The following COL14A1 variants were observed in gnomAD, a reference collection of about 807,000 sequenced individuals.
COL14A1 encodes the protein collagen type XIV alpha 1 chain, also known as collagen alpha-1(XIV) chain.
Under a neutral mutation model 230.3 loss-of-function variants are expected in COL14A1, and 136 were observed. The ratio of observed to expected loss-of-function variants is 0.59; its 90% confidence interval spans 0.51 to 0.68. COL14A1 has a LOEUF of 0.68. COL14A1 is among the 30% of genes least tolerant of loss of function. The pLI, the probability that COL14A1 is intolerant of heterozygous loss-of-function variation, is 0.00. For synonymous variants in COL14A1, 792 were observed against 784.1 expected, an observed-to-expected ratio of 1.01 and a Z score of -0.17; for missense variants, 1,976 against 2,215.8, an observed-to-expected ratio of 0.89 and a Z score of 2.17.
chr8:120,285,734 C>G, intron 32 of COL14A1, 127 bp from the exon 33 acceptor site: 1 of 657,408 alleles, frequency 1.5e-6, no homozygotes, highest in African/African-American at 1.8e-5. Context: ...CACTTCCTTA[C>G]TCATCACATC....
chr8:120,325,741 C>T (rs11774731), intron 40 of COL14A1, among the ~76,000 whole-genome samples: 65,338 of 151,920 alleles, frequency 0.43, 14,167 homozygotes, highest in Middle Eastern at 0.49. Flanking sequence ...GATCCACCCT[C>T]CTTGGCCTCC....
At chr8:120,370,316 A>G (rs1458536307) in intron 47 of COL14A1, 1 of 1,608,908 alleles carries the variant, frequency 6.2e-7, no homozygotes, top group African/African-American at 1.3e-5. Flanking sequence ...GTTCTCTCAA[A>G]TACTCCTATC....
chr8:120,136,019 A>G (rs1443354185), intron 1 of COL14A1, among the ~76,000 whole-genome samples: 2 of 152,048 alleles, frequency 1.3e-5, no homozygotes, highest in East Asian at 3.9e-4. Context: ...ATTCCTTAGA[A>G]TTTTCTGGTA....
chr8:120,302,496 A>T (rs1433819200), intron 36 of COL14A1, among the ~76,000 whole-genome samples: 3 of 152,168 alleles, frequency 2.0e-5, no homozygotes, highest in Non-Finnish European at 4.4e-5. Context: ...TTGAATAGGG[A>T]ATCCTTTCTC....
chr8:120,162,681 A>C, intron 4 of COL14A1, 112 bp downstream of exon 4: 1 of 885,586 alleles, frequency 1.1e-6, no homozygotes, highest in Non-Finnish European at 1.6e-6. Context: ...AGATTTATAG[A>C]GATCCTAGAA....
At chr8:120,185,938 A>G (rs767171666) in intron 5 of COL14A1, among the ~76,000 whole-genome samples, 1 of 151,908 alleles carries the variant, frequency 6.6e-6, no homozygotes, top group Admixed American at 6.6e-5. Flanking sequence ...ACGACCAGCT[A>G]ATTTTTTGTA....
intron 2 of COL14A1, among the ~76,000 whole-genome samples, chr8:120,154,015 C>T (rs1586721527): frequency 6.6e-6 from 1 of 151,778 alleles, no homozygotes; most frequent in Admixed American, 6.6e-5. Flanking sequence ...TAGTGTTGTT[C>T]GTTGGAAGAA....
chr8:120,367,993 G>A (rs1823463615), intron 46 of COL14A1, among the ~76,000 whole-genome samples: 1 of 151,726 alleles, frequency 6.6e-6, no homozygotes, highest in Non-Finnish European at 1.5e-5. Context: ...AACAGAATGA[G>A]ATGTCACTTC....
chr8:120,353,777 T>G (rs1203277132), intron 45 of COL14A1, among the ~76,000 whole-genome samples: 1 of 151,716 alleles, frequency 6.6e-6, no homozygotes, highest in Non-Finnish European at 1.5e-5. Flanking sequence ...ATAGGAACAC[T>G]TTTACACTGT....
chr8:120,353,900 C>A (rs1369482109), intron 45 of COL14A1, among the ~76,000 whole-genome samples: 1 of 150,834 alleles, frequency 6.6e-6, no homozygotes, highest in African/African-American at 2.5e-5. Context: ...GGTATATACC[C>A]AAAGGACTAT....
intron 11 of COL14A1, among the ~76,000 whole-genome samples, chr8:120,209,241 G>A (rs552725093): frequency 2.6e-5 from 4 of 152,078 alleles, no homozygotes; most frequent in Non-Finnish European, 5.9e-5. Flanking sequence ...ATGGTGGCAC[G>A]CAGCTGTGGT....
intron 40 of COL14A1, among the ~76,000 whole-genome samples, chr8:120,318,123 A>G (rs1174419116): frequency 2.0e-5 from 3 of 152,206 alleles, no homozygotes; most frequent in Non-Finnish European, 4.4e-5. Context: ...GTGCCCCTGA[A>G]ATTGTGTAAC....
chr8:120,203,022 T>TATATA (rs1817305659), intron 8 of COL14A1, among the ~76,000 whole-genome samples: 1 of 57,732 alleles, frequency 1.7e-5, no homozygotes, highest in Non-Finnish European at 4.5e-5. Flanking sequence ...ATATATATAT[T>TATATA]TGTTCTAGCA....
intron 4 of COL14A1, among the ~76,000 whole-genome samples, chr8:120,167,067 A>G (rs1026616439): frequency 1.4e-4 from 21 of 151,810 alleles, no homozygotes; most frequent in Non-Finnish European, 1.6e-4. Flanking sequence ...AATCTTTTAA[A>G]ATTTTGTTTT....
At chr8:120,255,136 C>A in intron 22 of COL14A1, 104 bp from the exon 23 acceptor site, 2 of 814,484 alleles carry the variant, frequency 2.5e-6, no homozygotes, top group Non-Finnish European at 4.3e-6. Flanking sequence ...CCAGCTCTGA[C>A]TATGCAGCTT....
At position 120,373,031 on chromosome 8, in the gene COL14A1, A is replaced by C. The variant is rs1248453332; in HGVS notation, c.*1800A>C. Among the ~76,000 whole-genome samples, 1 of 152,156 alleles carries C rather than the reference A, an allele frequency of 6.6e-6. No individual in the cohort carries two copies. The highest frequency in any genetic ancestry group is 1.5e-5 in the Non-Finnish European group (1 of 68,028). On this transcript the variant is annotated 3_prime_UTR_variant, in exon 48 of 48. Coordinates refer to ENST00000297848, the MANE Select transcript of COL14A1 (RefSeq NM_021110.4). ...AGAGTCACCTAAGAGAACTCTTCCA[A>C]CTTAAATGACTAGGGTGTGTAATCA...
intron 40 of COL14A1, among the ~76,000 whole-genome samples, chr8:120,322,885 T>C (rs1821507863): frequency 6.6e-6 from 1 of 152,234 alleles, no homozygotes; most frequent in African/African-American, 2.4e-5. Context: ...GTCTTTATAA[T>C]AGAACAGTTT....
chr8:120,140,297 G>T (rs1378095179), intron 1 of COL14A1, among the ~76,000 whole-genome samples: 1 of 150,008 alleles, frequency 6.7e-6, no homozygotes, highest in East Asian at 1.9e-4. Flanking sequence ...CAAGTAAATT[G>T]TAAGTGAGCT....
At chr8:120,185,829 A>G (rs1014980895) in intron 5 of COL14A1, among the ~76,000 whole-genome samples, 8 of 151,966 alleles carry the variant, frequency 5.3e-5, no homozygotes, top group Non-Finnish European at 1.2e-4. Flanking sequence ...CTGCAGTGCA[A>G]TGGCGTGATC....
Sources: allele counts gnomAD v4.1 joint callset (sites outside exome capture counted in the v4.1 genomes callset), GRCh38; gene constraint gnomAD v4.1.1; transcripts MANE v1.5; gene names NCBI Gene and HGNC (gene_info 2026-07-23, HGNC 2026-07-21).